Variants in PALM2AKAP2 observed in about 807,000 individuals in gnomAD.
PALM2AKAP2 encodes PALM2-AKAP2 fusion protein.
PALM2AKAP2 carries 37 observed loss-of-function variants against 71.5 expected under a neutral mutation model. That is an observed-to-expected ratio of 0.52 (90% confidence interval 0.40 to 0.68). PALM2AKAP2 has a LOEUF of 0.68. Ranked by LOEUF, PALM2AKAP2 falls within the 30% of genes least tolerant of loss-of-function variation. The pLI is 0.00. For missense variants in PALM2AKAP2, 1,224 were observed against 1,191.8 expected (o/e 1.03, Z -0.40); for synonymous variants, 468 against 478.8 (o/e 0.98, Z 0.29).
At chr9:109,908,658 A>ATGACTCATTGAGATAC (rs1450646512) in intron 3 of PALM2AKAP2, among the ~76,000 whole-genome samples, 1 of 152,228 alleles carries the variant, frequency 6.6e-6, no homozygotes, top group Admixed American at 6.5e-5. Context: ...TTTTCAATGA[A>ATGACTCATTGAGATAC]TGACTCATTG....
chr9:110,006,081 G>T (rs1832775550), intron 6 of PALM2AKAP2, among the ~76,000 whole-genome samples: 1 of 152,170 alleles, frequency 6.6e-6, no homozygotes, highest in African/African-American at 2.4e-5. Flanking sequence ...CAGTACCTCA[G>T]TTGGAAATGC....
rs1218570660 is a variant in PALM2AKAP2 at position 109,703,457 on chromosome 9, A to T, written c.5+62591A>T. Among the ~76,000 whole-genome samples the T allele has an allele frequency of 6.6e-5, 10 of 152,308 alleles. No individual in the cohort carries two copies. In the East Asian group the frequency reaches 1.9e-3, roughly 29 times the overall value. On this transcript the variant is annotated intron_variant, in intron 1 of 6. Coordinates refer to the PALM2AKAP2 transcript ENST00000374531. ...ATGTTTCTGGCAATATGTTTTTATG[A>T]TAATTCTATTATGTCCTGAAAATGT...
intron 1 of PALM2AKAP2, among the ~76,000 whole-genome samples, chr9:110,111,610 G>A (rs1835255181): frequency 1.3e-5 from 2 of 152,160 alleles, no homozygotes; most frequent in Non-Finnish European, 2.9e-5. Context: ...TTGCTAAGAT[G>A]AGAAAAAGGA....
intron 1 of PALM2AKAP2, among the ~76,000 whole-genome samples, chr9:109,756,349 G>T (rs1828963490): frequency 1.3e-5 from 2 of 152,128 alleles, no homozygotes; most frequent in South Asian, 4.1e-4. Context: ...TGTGTGATTG[G>T]ACCCATGTTC....
rs146339213 is a variant in PALM2AKAP2 at position 109,667,058 on chromosome 9, A to T, written c.5+26192A>T. ...CAACTGCAGGCATCTAAGTACCAGGATTCAGTGGACAGTTCTTCAAGGACC... is the reference window on the plus strand; with the variant it reads ...CAACTGCAGGCATCTAAGTACCAGGTTTCAGTGGACAGTTCTTCAAGGACC... On this transcript the variant is annotated intron_variant, in intron 1 of 6. Coordinates refer to the PALM2AKAP2 transcript ENST00000374531. 4.3e-3 allele frequency among the ~76,000 whole-genome samples: 658 copies of T among 152,282 alleles called. 2 individuals are homozygous for T. Among genetic ancestry groups the T allele is most frequent in the Non-Finnish European group, 5.4e-3 (369 of 68,024 alleles).
At chr9:109,975,977 A>T (rs966908380) in intron 6 of PALM2AKAP2, among the ~76,000 whole-genome samples, 1 of 152,260 alleles carries the variant, frequency 6.6e-6, no homozygotes, top group Non-Finnish European at 1.5e-5. Flanking sequence ...AGAAAATCAA[A>T]TTAGCAAACT....
chr9:109,787,596 G>A (rs996460147), intron 1 of PALM2AKAP2, among the ~76,000 whole-genome samples: 2 of 152,184 alleles, frequency 1.3e-5, no homozygotes, highest in African/African-American at 4.8e-5. Context: ...AGATTGAGTC[G>A]AAAGTATTGG....
At chr9:109,806,584 GAAAAACCTTACTAAT>G (rs1827578763) in intron 1 of PALM2AKAP2, among the ~76,000 whole-genome samples, 1 of 152,112 alleles carries the variant, frequency 6.6e-6, no homozygotes, top group Non-Finnish European at 1.5e-5. Flanking sequence ...GAATGTTCAA[GAAAAACCTTACTAAT>G]AAGCTAGTGT....
At chr9:109,847,460 C>T (rs958205490) in intron 1 of PALM2AKAP2, among the ~76,000 whole-genome samples, 4 of 152,226 alleles carry the variant, frequency 2.6e-5, no homozygotes, top group South Asian at 2.1e-4. Flanking sequence ...CTGTTGTTTT[C>T]GATGGGCGTG....
At chr9:110,112,316 ACAGGC>A (rs1399561445) in intron 1 of PALM2AKAP2, among the ~76,000 whole-genome samples, 1 of 152,122 alleles carries the variant, frequency 6.6e-6, no homozygotes, top group Non-Finnish European at 1.5e-5. Flanking sequence ...GGAGAGCTGG[ACAGGC>A]CAGGGCTTGG....
chr9:109,887,835 AT>A (rs1161050380), intron 3 of PALM2AKAP2, among the ~76,000 whole-genome samples: 14 of 152,298 alleles, frequency 9.2e-5, no homozygotes, highest in Non-Finnish European at 1.5e-4. Flanking sequence ...TTTAAGCTAA[AT>A]TTTTTTGAGA....
At chr9:109,838,626 A>G (rs1215331297) in intron 1 of PALM2AKAP2, among the ~76,000 whole-genome samples, 8 of 152,142 alleles carry the variant, frequency 5.3e-5, no homozygotes, top group African/African-American at 1.4e-4. Flanking sequence ...TTGATAGACC[A>G]CTAGCAAGAC....
At chr9:109,705,710 A>T (rs1444635847) in intron 1 of PALM2AKAP2, among the ~76,000 whole-genome samples, 1 of 152,218 alleles carries the variant, frequency 6.6e-6, no homozygotes, top group Non-Finnish European at 1.5e-5. Flanking sequence ...ATAGTGGTTA[A>T]GTGCACAGAT....
At chr9:110,012,086 G>C (rs763404910) in intron 6 of PALM2AKAP2, among the ~76,000 whole-genome samples, 3 of 152,190 alleles carry the variant, frequency 2.0e-5, no homozygotes, top group Non-Finnish European at 4.4e-5. Context: ...CTTGAGGTCA[G>C]GAGTTAGACC....
intron 1 of PALM2AKAP2, among the ~76,000 whole-genome samples, chr9:109,688,635 C>A (rs1827836547): frequency 6.6e-6 from 1 of 152,208 alleles, no homozygotes; most frequent in Admixed American, 6.5e-5. Flanking sequence ...ACGATGAGGC[C>A]ATCAGACCTC....
At chr9:109,923,999 A>C (rs1830895655) in intron 4 of PALM2AKAP2, 150 bp downstream of exon 4, 1 of 820,136 alleles carries the variant, frequency 1.2e-6, no homozygotes, top group African/African-American at 1.7e-5. Context: ...TGTGAGGACC[A>C]GGGGCCATCC....
intron 3 of PALM2AKAP2, among the ~76,000 whole-genome samples, chr9:109,881,493 T>C (rs547363036): frequency 6.6e-6 from 1 of 152,324 alleles, no homozygotes; most frequent in African/African-American, 2.4e-5. Flanking sequence ...ATGAAGAGTG[T>C]GGAAGTGCTG....
At chr9:109,784,218 G>A (rs956993217) in intron 1 of PALM2AKAP2, among the ~76,000 whole-genome samples, 6 of 152,180 alleles carry the variant, frequency 3.9e-5, no homozygotes, top group African/African-American at 1.4e-4. Flanking sequence ...GGCACGGTGT[G>A]AAATACTTTT....
intron 6 of PALM2AKAP2, among the ~76,000 whole-genome samples, chr9:109,971,584 C>A (rs1265861761): frequency 1.3e-5 from 2 of 152,072 alleles, no homozygotes; most frequent in Admixed American, 1.3e-4. Flanking sequence ...CGCCACCAAG[C>A]CTGGCTAATT....
Sources: allele counts gnomAD v4.1 joint callset (sites outside exome capture counted in the v4.1 genomes callset), GRCh38; gene constraint gnomAD v4.1.1; transcripts MANE v1.5; gene names NCBI Gene and HGNC (gene_info 2026-07-23, HGNC 2026-07-21).